The following ACSF3 variants were observed in gnomAD, a reference collection of about 807,000 sequenced individuals.
ACSF3 encodes acyl-CoA synthetase family member 3, also known as malonate--CoA ligase ACSF3, mitochondrial.
A neutral mutation model predicts 53.2 loss-of-function variants in ACSF3; 78 were observed. The ratio of observed to expected loss-of-function variants is 1.47; its 90% CI spans 1.22 to 1.77. The LOEUF (loss-of-function observed/expected upper bound fraction) is 1.77, where lower values mean the gene tolerates loss of function less well. ACSF3 is among the 40% of genes most tolerant of loss of function. ACSF3 has a pLI of 0.00. For synonymous variants in ACSF3, 414 were observed against 333.1 expected (o/e 1.24, Z -2.65); for missense variants, 937 against 771.1 (o/e 1.22, Z -2.55).
rs1251227709 is a variant in ACSF3 at position 89,155,252 on chromosome 16, T to C, written c.*1045T>C. ...GTAACAGTCATCGCCCAGCAGTGTC[T>C]GGCCTGAACTTACCCAGAACATTCT... On this transcript the variant is annotated 3_prime_UTR_variant, in exon 11 of 11. Coordinates refer to ENST00000614302, the MANE Select transcript of ACSF3 (RefSeq NM_001243279.3). The C allele has an allele frequency of 2.2e-6, 1 of 453,996 alleles. No homozygotes were observed. The highest frequency in any genetic ancestry group is 4.4e-6 in the Non-Finnish European group (1 of 226,778). 28.1% of individuals were successfully genotyped at this position (453,996 alleles called of 1,614,324 possible). A position where few individuals can be genotyped will look rare whatever the true frequency, so the allele number is the denominator to read the frequency against.
In ACSF3 at chr16:89,125,171, C is replaced by T. The variant is rs142029223; in HGVS notation, c.1239+4258C>T. ...CCAGCCTGACCAAGATGATGAAACC[C>T]GTCTCTACTAAAAATACAAAAATTA... On this transcript the variant is annotated intron_variant, in intron 7 of 10. Transcript: ENST00000614302. Among the ~76,000 whole-genome samples the T allele has an allele frequency of 2.4e-3, 365 of 152,002 alleles. 1 individual carries two copies. Among genetic ancestry groups the T allele is most frequent in the Middle Eastern group, 0.014 (4 of 294 alleles).
chr16:89,118,671 G>C (rs977979740), intron 6 of ACSF3, among the ~76,000 whole-genome samples: 1 of 152,202 alleles, frequency 6.6e-6, no homozygotes, highest in East Asian at 1.9e-4. Flanking sequence ...ACCACTGCTG[G>C]GCCTCGTCAC....
intron 10 of ACSF3, chr16:89,148,169 A>T (rs908921442): frequency 7.4e-6 from 1 of 134,546 alleles, no homozygotes; most frequent in Non-Finnish European, 1.5e-5. Context: ...CAGTGGCATG[A>T]TCTCAGCTTA....
chr16:89,125,407 G>A (rs1907807460), intron 7 of ACSF3, among the ~76,000 whole-genome samples: 1 of 151,726 alleles, frequency 6.6e-6, no homozygotes, highest in African/African-American at 2.4e-5. Context: ...GGTCTTGAAT[G>A]GAAAGCCAGG....
Position 89,155,644 on chromosome 16 carries a change from C to G in ACSF3, c.*1437C>G, listed in dbSNP as rs962222032. On this transcript the variant is annotated 3_prime_UTR_variant, in exon 11 of 11. Transcript: ENST00000614302. ...CGCCAGAGGCCTGGACCCAAGGGAACGGCAGTCAGAGACTACAGTCCAGAC... is the reference window on the plus strand; with the variant it reads ...CGCCAGAGGCCTGGACCCAAGGGAAGGGCAGTCAGAGACTACAGTCCAGAC... The G allele has an allele frequency of 4.4e-6, 2 of 454,106 alleles. No individual in the cohort carries two copies. The highest frequency in any genetic ancestry group is 3.1e-5 in the South Asian group (2 of 64,480). 28.1% of individuals were successfully genotyped at this position (454,106 alleles called of 1,614,324 possible).
chr16:89,123,234 C>T (rs1907093912), intron 7 of ACSF3, among the ~76,000 whole-genome samples: 1 of 152,180 alleles, frequency 6.6e-6, no homozygotes, highest in African/African-American at 2.4e-5. Context: ...CCCTCCGACA[C>T]CTGAGATTCA....
At chr16:89,137,741 G>T (rs1910917654) in intron 8 of ACSF3, among the ~76,000 whole-genome samples, 1 of 152,150 alleles carries the variant, frequency 6.6e-6, no homozygotes, top group African/African-American at 2.4e-5. Flanking sequence ...AGAACCCCCA[G>T]ACTGAGAAAT....
intron 10 of ACSF3, chr16:89,148,699 T>C (rs1329638005): frequency 6.6e-6 from 1 of 152,256 alleles, no homozygotes; most frequent in Non-Finnish European, 1.5e-5. Context: ...AACCCCATCT[T>C]TCTCCTCTTC....
At chr16:89,132,894 C>A (rs1458709139) in intron 7 of ACSF3, among the ~76,000 whole-genome samples, 1 of 152,258 alleles carries the variant, frequency 6.6e-6, no homozygotes, top group Non-Finnish European at 1.5e-5. Context: ...AATGAAAGGA[C>A]ACCCAGCTCC....
chr16:89,120,350 G>C (rs1458417230), intron 6 of ACSF3, among the ~76,000 whole-genome samples: 1 of 152,220 alleles, frequency 6.6e-6, no homozygotes, highest in Admixed American at 6.5e-5. Context: ...CGTGTGCCGG[G>C]CACACACAGG....
rs73254052 is a variant in ACSF3 at position 89,124,912 on chromosome 16, G to T, written c.1239+3999G>T. Among the ~76,000 whole-genome samples the T allele has an allele frequency of 7.8e-3, 1,195 of 152,340 alleles. 21 individuals carry two copies. Among genetic ancestry groups the T allele is most frequent in the African/African-American group, 0.027 (1,141 of 41,560 alleles). On this transcript the variant is annotated intron_variant, in intron 7 of 10. Coordinates refer to ENST00000614302, the MANE Select transcript of ACSF3 (RefSeq NM_001243279.3). The stretch of plus-strand genomic sequence containing the variant: ...TACAGGTTATCTGTTCTGTTCCCTT[G>T]ATCTATGTTTCCATTCCTCTACCGA...
In ACSF3 at chr16:89,094,168, C is replaced by T. The variant is rs564439651; in HGVS notation, c.-194+172C>T. 2.6e-5 allele frequency among the ~76,000 whole-genome samples: 4 copies of T among 151,674 alleles called. No individual in the cohort carries two copies. In the South Asian group the frequency reaches 8.3e-4, roughly 32 times the overall value. On this transcript the variant is annotated intron_variant, in intron 1 of 10. Coordinates refer to ENST00000614302, the MANE Select transcript of ACSF3 (RefSeq NM_001243279.3). ...GCCGGGCGTCGGCCTTCCCGGGACG[C>T]CGAGCCTCTCGTGTCCGGTGGGGAG...
chr16:89,145,290 G>C lies in ACSF3; in HGVS notation c.1390G>C (p.Gly464Arg). The C allele has an allele frequency of 6.2e-7, 1 of 1,614,120 alleles. No individual in the cohort carries two copies. Among genetic ancestry groups the C allele is most frequent in the Non-Finnish European group, 8.5e-7 (1 of 1,179,994 alleles). Residue 464 changes from glycine (G) to arginine (R), a missense_variant, in exon 9 of 11, where the codon GGC (glycine) becomes CGC (arginine). Gly to Arg is a moderately radical substitution (Grantham distance 125). Transcript: ENST00000614302. ...KTGDTVVFKDGQYWIRGRTSV... is the reference protein window; with the variant it reads ...KTGDTVVFKDRQYWIRGRTSV... ...AGGGGACACCGTGGTGTTTAAGGAT[G>C]GCCAGTACTGGATCCGAGGCCGGAC... is the stretch of plus-strand genomic sequence containing the variant.
intron 7 of ACSF3, chr16:89,122,503 G>C (rs949853694): frequency 1.0e-5 from 4 of 397,732 alleles, no homozygotes; most frequent in Admixed American, 8.3e-5. Context: ...TGGCTCTCAA[G>C]TCTGTGCCCT....
rs766109997 is a variant in ACSF3, at chr16:89,101,034, G to A, written c.353G>A (p.Ser118Asn). Reference protein sequence around the residue: ...YVVAQWASWMSGGVAVPLYRK... With the variant: ...YVVAQWASWMNGGVAVPLYRK... ...GTGGCCCAGTGGGCGTCATGGATGA[G>A]TGGCGGTGTGGCAGTCCCCCTCTAC... The change falls in exon 3 of 11, where the codon AGT (serine) becomes AAT (asparagine). Residue 118 changes from serine to asparagine, a missense_variant. Coordinates refer to ENST00000614302, the MANE Select transcript of ACSF3 (RefSeq NM_001243279.3). The A allele has an allele frequency of 6.2e-7, 1 of 1,613,958 alleles. No individual in the cohort carries two copies. The highest frequency in any genetic ancestry group is 8.5e-7 in the Non-Finnish European group (1 of 1,179,906).
chr16:89,122,241 G>C (rs1025585084), intron 7 of ACSF3: 2 of 216,096 alleles, frequency 9.3e-6, no homozygotes, highest in African/African-American at 4.7e-5. Context: ...GGGCCGCACA[G>C]TGTGTCCCGC....
chr16:89,104,741 A>G (rs1268093244), intron 4 of ACSF3, among the ~76,000 whole-genome samples: 1 of 152,138 alleles, frequency 6.6e-6, no homozygotes, highest in Non-Finnish European at 1.5e-5. Flanking sequence ...TCATCCCCGG[A>G]AAATAAGGTT....
rs758652942 is a variant in ACSF3 at position 89,141,193 on chromosome 16, GC to G, written c.1367-4072del. 25 of 1,287,126 alleles carry G rather than the reference GC, an allele frequency of 1.9e-5. No homozygotes were observed. In the African/African-American group the frequency reaches 3.5e-4, roughly 18 times the overall value. 79.7% of individuals were successfully genotyped at this position (1,287,126 alleles called of 1,614,324 possible). A position where few individuals can be genotyped will look rare whatever the true frequency, so the allele number is the denominator to read the frequency against. ...ACTTTGTTTAAACCCTGGCTCCGATGCCTCTGAGCCCTTGATAGCAGCGTCC... is the reference window on the plus strand; with the variant it reads ...ACTTTGTTTAAACCCTGGCTCCGATGCTCTGAGCCCTTGATAGCAGCGTCC... On this transcript the variant is annotated intron_variant, in intron 8 of 10. Transcript: ENST00000614302.
Position 89,100,970 on chromosome 16 carries a change from A to T in ACSF3, c.289A>T (p.Arg97Trp). The T allele has an allele frequency of 1.2e-6, 2 of 1,613,478 alleles. No individual in the cohort carries two copies. Among genetic ancestry groups the T allele is most frequent in the Non-Finnish European group, 1.7e-6 (2 of 1,179,892 alleles). Residue 97 changes from arginine (R) to tryptophan (W), a missense_variant, in exon 3 of 11, where the codon AGG becomes TGG. Arg to Trp is a moderately radical substitution (Grantham distance 101). Coordinates refer to ENST00000614302, the MANE Select transcript of ACSF3 (RefSeq NM_001243279.3). ...GCVGGDLREERVSFLCANDAS... is the reference protein window; with the variant it reads ...GCVGGDLREEWVSFLCANDAS... ...TGTCGGCGGGGACCTCCGGGAGGAGAGGGTCTCCTTCCTATGCGCTAACGA... is the reference window on the plus strand; with the variant it reads ...TGTCGGCGGGGACCTCCGGGAGGAGTGGGTCTCCTTCCTATGCGCTAACGA...
Sources: allele counts gnomAD v4.1 joint callset (sites outside exome capture counted in the v4.1 genomes callset), GRCh38; gene constraint gnomAD v4.1.1; transcripts MANE v1.5; gene names NCBI Gene and HGNC (gene_info 2026-07-23, HGNC 2026-07-21).